FRS2: variants seen among roughly 807,000 people sequenced by gnomAD.
FRS2 encodes the protein fibroblast growth factor receptor substrate 2.
FRS2 carries 8 observed loss-of-function variants against 43.9 expected under a neutral mutation model. That is an observed-to-expected ratio of 0.18 (90% CI 0.11 to 0.33). FRS2 has a LOEUF of 0.33. Among genes scored for constraint, FRS2 ranks in the 10% least tolerant of loss-of-function variants. The probability of loss-of-function intolerance (pLI) is 1.00; values close to 1 mark genes in which losing one functional copy is unlikely to be tolerated. For missense variants in FRS2, 534 were observed against 627.6 expected, an observed-to-expected ratio of 0.85 and a Z score of 1.59; for synonymous variants, 219 against 220.3, an observed-to-expected ratio of 0.99 and a Z score of 0.05.
rs548273857 is a variant in FRS2 at position 69,481,870 on chromosome 12, A to G, written c.-261+11340A>G. 2.6e-5 allele frequency among the ~76,000 whole-genome samples: 4 copies of G among 152,290 alleles called. No individual in the cohort carries two copies. In the South Asian group the frequency reaches 8.3e-4, roughly 32 times the overall value. ...CAGATTATCACATCTGGAGATACATAATGCCCACTTGCCCCTCATTAGTGA... is the reference window on the plus strand; with the variant it reads ...CAGATTATCACATCTGGAGATACATGATGCCCACTTGCCCCTCATTAGTGA... On this transcript the variant is annotated intron_variant, in intron 1 of 8. Transcript: ENST00000549921.
chr12:69,545,720 C>CA (rs1347258450), intron 3 of FRS2, among the ~76,000 whole-genome samples: 1 of 139,422 alleles, frequency 7.2e-6, no homozygotes, highest in Non-Finnish European at 1.5e-5. Flanking sequence ...CGTGCCACTG[C>CA]ACTCCAGCCT....
At chr12:69,565,643 A>G (rs1423721083) in intron 4 of FRS2, among the ~76,000 whole-genome samples, 1 of 152,152 alleles carries the variant, frequency 6.6e-6, no homozygotes, top group Non-Finnish European at 1.5e-5. Context: ...AGACACAAAC[A>G]CACACATTAG....
intron 3 of FRS2, among the ~76,000 whole-genome samples, chr12:69,557,240 T>A (rs1879434094): frequency 1.3e-5 from 2 of 152,188 alleles, no homozygotes; most frequent in Admixed American, 1.3e-4. Context: ...GACACAGTTG[T>A]AAGATTAATA....
chr12:69,565,264 A>G (rs1429906967), intron 4 of FRS2, among the ~76,000 whole-genome samples: 1 of 152,238 alleles, frequency 6.6e-6, no homozygotes, highest in African/African-American at 2.4e-5. Flanking sequence ...TGTATAAGGC[A>G]CTTGCCGTGG....
rs142739975 is a variant in FRS2 at position 69,552,298 on chromosome 12, G to A, written c.-121-9882G>A. Among the ~76,000 whole-genome samples, 61 of 53,590 alleles carry A rather than the reference G, an allele frequency of 1.1e-3. 1 individual carries two copies. The highest frequency in any genetic ancestry group is 3.4e-3 in the African/African-American group (47 of 14,028). 35.2% of individuals were successfully genotyped at this position (53,590 alleles called of 152,430 possible). A position where few individuals can be genotyped will look rare whatever the true frequency, so the allele number is the denominator to read the frequency against. On this transcript the variant is annotated intron_variant, in intron 3 of 8. Coordinates refer to ENST00000549921, the MANE Select transcript of FRS2 (RefSeq NM_001278356.2). ...GCCTGGGCAACAAGAGCGAAACTCC[G>A]TCTCAAAAAAAAAAAAAAAAAAAAA...
At chr12:69,571,947 G>T (rs1006937664) in intron 7 of FRS2, among the ~76,000 whole-genome samples, 171 bp from the exon 8 acceptor site, 1 of 152,122 alleles carries the variant, frequency 6.6e-6, no homozygotes, top group Non-Finnish European at 1.5e-5. Flanking sequence ...AAAACATTCA[G>T]TATTTCATAT....
rs3847771 is a variant in FRS2, at chr12:69,548,237, T to C, written c.-121-13943T>C. On this transcript the variant is annotated intron_variant, in intron 3 of 8. Coordinates refer to ENST00000549921, the MANE Select transcript of FRS2 (RefSeq NM_001278356.2). ...CAGGACAATCAGAGGCAAAGACCAA[T>C]TAGAAGGCTGTTGGAAAAATTCATA... 0.035 allele frequency among the ~76,000 whole-genome samples: 5,362 copies of C among 152,226 alleles called. 444 individuals carry two copies. In the East Asian group the frequency reaches 0.38, roughly 11 times the overall value.
At chr12:69,516,287 C>T (rs1345925755) in intron 1 of FRS2, among the ~76,000 whole-genome samples, 17 of 151,332 alleles carry the variant, frequency 1.1e-4, no homozygotes, top group South Asian at 2.1e-4. Flanking sequence ...GGCGCGATCT[C>T]GGCTCACAGC....
intron 3 of FRS2, among the ~76,000 whole-genome samples, chr12:69,545,882 T>TG (rs1878359492): frequency 1.3e-5 from 2 of 151,920 alleles, no homozygotes; most frequent in South Asian, 4.2e-4. Context: ...CTTCAACAAG[T>TG]GATGCTGGAG....
intron 1 of FRS2, among the ~76,000 whole-genome samples, chr12:69,517,465 A>ATT (rs879862060): frequency 6.9e-6 from 1 of 145,332 alleles, no homozygotes; most frequent in South Asian, 2.2e-4. Context: ...CAACCTGTAC[A>ATT]TTTTTTTTTT....
chr12:69,500,930 C>T (rs1873381514), intron 1 of FRS2, among the ~76,000 whole-genome samples: 1 of 152,022 alleles, frequency 6.6e-6, no homozygotes, highest in Admixed American at 6.6e-5. Context: ...GAAAATTTGT[C>T]CCTTAATTCT....
intron 7 of FRS2, 115 bp downstream of exon 7, chr12:69,571,549 T>C: frequency 1.1e-6 from 1 of 871,534 alleles, no homozygotes; most frequent in Non-Finnish European, 1.8e-6. Flanking sequence ...AACAGAAGTA[T>C]AATGGTTGTC....
intron 3 of FRS2, among the ~76,000 whole-genome samples, chr12:69,538,197 T>TATATATATA (rs1555189565): frequency 1.3e-4 from 11 of 81,636 alleles, no homozygotes; most frequent in African/African-American, 3.9e-4. Flanking sequence ...AAAACAAATT[T>TATATATATA]TATATATATA....
At chr12:69,510,333 A>ATAAT (rs1161762870) in intron 1 of FRS2, among the ~76,000 whole-genome samples, 1 of 152,148 alleles carries the variant, frequency 6.6e-6, no homozygotes, top group Non-Finnish European at 1.5e-5. Context: ...ACACTTGTGA[A>ATAAT]TAATTCTATT....
Position 69,536,959 on chromosome 12 carries a change from A to T in FRS2, c.-122+4903A>T, listed in dbSNP as rs1018061818. Among the ~76,000 whole-genome samples the T allele has an allele frequency of 2.0e-5, 3 of 152,050 alleles. No homozygotes were observed. The South Asian group carries it at 6.2e-4, about 32-fold the overall frequency. Reference sequence around the variant, plus strand: ...TTGCCAGTCTTTTGTGTTGAGTTGGACATATATATTTGTCTCATTCCATCT... The same window carrying T: ...TTGCCAGTCTTTTGTGTTGAGTTGGTCATATATATTTGTCTCATTCCATCT... On this transcript the variant is annotated intron_variant, in intron 3 of 8. Coordinates refer to ENST00000549921, the MANE Select transcript of FRS2 (RefSeq NM_001278356.2).
intron 3 of FRS2, among the ~76,000 whole-genome samples, chr12:69,533,081 C>T (rs1259306300): frequency 6.6e-6 from 1 of 152,176 alleles, no homozygotes; most frequent in Non-Finnish European, 1.5e-5. Flanking sequence ...TAATCTTATA[C>T]TGCCACCCTA....
At chr12:69,562,684 A>T (rs1240659759) in intron 4 of FRS2, among the ~76,000 whole-genome samples, 1 of 151,984 alleles carries the variant, frequency 6.6e-6, no homozygotes, top group Non-Finnish European at 1.5e-5. Context: ...AATTTAATTT[A>T]ATTTTAATTT....
In FRS2 at chr12:69,564,071, C is replaced by T. The variant is rs565309195; in HGVS notation, c.-27+1797C>T. On this transcript the variant is annotated intron_variant, in intron 4 of 8. Coordinates refer to ENST00000549921, the MANE Select transcript of FRS2 (RefSeq NM_001278356.2). ...TATTCTCTTTTGAATATATTCACACCGTAGCCCTCTCTATTCTTTATTTTC... is the reference window on the plus strand; with the variant it reads ...TATTCTCTTTTGAATATATTCACACTGTAGCCCTCTCTATTCTTTATTTTC... Among the ~76,000 whole-genome samples the T allele has an allele frequency of 3.9e-5, 6 of 152,118 alleles. No individual in the cohort carries two copies. In the East Asian group the frequency reaches 5.8e-4, roughly 15 times the overall value.
chr12:69,568,975 A>G (rs1880520913), intron 4 of FRS2, 30 bp from the exon 5 acceptor site: 2 of 1,113,794 alleles, frequency 1.8e-6, no homozygotes. Flanking sequence ...CCTTCATCTA[A>G]TAAATTTTTC....
Sources: allele counts gnomAD v4.1 joint callset (sites outside exome capture counted in the v4.1 genomes callset), GRCh38; gene constraint gnomAD v4.1.1; transcripts MANE v1.5; gene names NCBI Gene and HGNC (gene_info 2026-07-23, HGNC 2026-07-21).